Variants in PSIP1 observed in about 807,000 individuals in gnomAD.
PSIP1 encodes the protein PC4 and SRSF1 interacting protein 1, also known as PC4 and SFRS1-interacting protein.
PSIP1 carries 19 observed loss-of-function variants against 74.7 expected under a neutral mutation model. The ratio of observed to expected loss-of-function variants is 0.25; its 90% CI spans 0.18 to 0.37. The LOEUF is 0.37. PSIP1 is among the 10% of genes least tolerant of loss of function. The pLI is 1.00. For synonymous variants in PSIP1, 222 were observed against 195.3 expected, an observed-to-expected ratio of 1.14 and a Z score of -1.14; for missense variants, 601 against 614.3, an observed-to-expected ratio of 0.98 and a Z score of 0.23.
intron 8 of PSIP1, among the ~76,000 whole-genome samples, chr9:15,475,236 C>CTT (rs1407906667): frequency 6.6e-6 from 1 of 152,094 alleles, no homozygotes; most frequent in Non-Finnish European, 1.5e-5. Context: ...ATCCTTTTAA[C>CTT]TTTAGCCTCT....
chr9:15,485,921 G>C lies in PSIP1; in HGVS notation c.456+85C>G, dbSNP rs1419244939. On this transcript the variant is annotated intron_variant, in intron 6 of 15. Transcript: ENST00000380733. ...GTTTAGAATAAAAGCTGAAATTTAA[G>C]GTTTCATTGTATCTACTCTCCCTCA... 3.3e-6 allele frequency: 4 copies of C among 1,194,920 alleles called. No homozygotes were observed. The Admixed American group carries it at 6.9e-5, about 21-fold the overall frequency. The allele number at this position is 1,194,920 out of a possible 1,614,324, so 74.0% of individuals were successfully genotyped here.
intron 11 of PSIP1, among the ~76,000 whole-genome samples, chr9:15,469,715 C>T (rs2035754585): frequency 6.6e-6 from 1 of 152,060 alleles, no homozygotes; most frequent in Admixed American, 6.6e-5. Flanking sequence ...AATTTGACAC[C>T]ATCAAATAAT....
intron 5 of PSIP1, 125 bp from the exon 6 acceptor site, chr9:15,486,193 G>T (rs1371356847): frequency 1.4e-6 from 1 of 714,138 alleles, no homozygotes; most frequent in Non-Finnish European, 2.2e-6. Context: ...TTGCTCTGTA[G>T]AGTTCTGAAA....
At chr9:15,491,545 CAT>C (rs1451324534) in intron 3 of PSIP1, among the ~76,000 whole-genome samples, 2 of 152,236 alleles carry the variant, frequency 1.3e-5, no homozygotes, top group East Asian at 3.9e-4. Context: ...CAACTGTTTG[CAT>C]ATGTGTGTAC....
intron 15 of PSIP1, among the ~76,000 whole-genome samples, chr9:15,466,503 A>G (rs979279349): frequency 2.0e-5 from 3 of 152,250 alleles, no homozygotes; most frequent in African/African-American, 7.2e-5. Context: ...GTAGTCCAGG[A>G]GCAAATATTT....
rs1039274864 is a variant in PSIP1 at position 15,506,287 on chromosome 9, A to C, written c.149+274T>G. Reference sequence around the variant, plus strand: ...TATAGGAATATCAGATCACTTATTAAAACTTTCCTTATGTATTTTCATCCA... The same window carrying C: ...TATAGGAATATCAGATCACTTATTACAACTTTCCTTATGTATTTTCATCCA... On this transcript the variant is annotated intron_variant, in intron 3 of 15. Coordinates refer to ENST00000380733, the MANE Select transcript of PSIP1 (RefSeq NM_033222.5). The C allele has an allele frequency of 3.4e-5, 10 of 296,266 alleles. No homozygotes were observed. In the East Asian group the frequency reaches 5.9e-4, roughly 18 times the overall value. The allele number at this position is 296,266 out of a possible 1,614,324, so 18.4% of individuals were successfully genotyped here.
Position 15,466,750 on chromosome 9 carries a change from T to C in PSIP1, c.1530A>G (p.Lys510=), listed in dbSNP as rs1156324091. Reference sequence around the variant, plus strand: ...ACCCATTAAAACCTATTCCTCACTTTTTCTTCGTGCTGGCTTCATGGTTGT... The same window carrying C: ...ACCCATTAAAACCTATTCCTCACTTCTTCTTCGTGCTGGCTTCATGGTTGT... ...SKDNHEASTK[K]KPSSEERETE... is the part of the protein sequence containing the mutation. The change falls in exon 15 of 16, where the codon AAA becomes AAG. Residue 510 remains lysine (K), a splice_region_variant and synonymous_variant. Transcript: ENST00000380733. The C allele has an allele frequency of 3.1e-6, 5 of 1,606,940 alleles. No individual in the cohort carries two copies. Among genetic ancestry groups the C allele is most frequent in the Non-Finnish European group, 4.2e-6 (5 of 1,177,496 alleles).
At position 15,466,748 on chromosome 9, in the gene PSIP1, T is replaced by C; in HGVS notation, c.1532A>G (p.Lys511Arg). 1 of 1,606,098 alleles carries C rather than the reference T, an allele frequency of 6.2e-7. No homozygotes were observed. The highest frequency in any genetic ancestry group is 8.5e-7 in the Non-Finnish European group (1 of 1,177,000). ...KDNHEASTKK[K>R]PSSEERETEI... ...AGACCCATTAAAACCTATTCCTCAC[T>C]TTTTCTTCGTGCTGGCTTCATGGTT... is the stretch of plus-strand genomic sequence containing the variant. The change falls in exon 15 of 16, where the codon AAG (lysine) becomes AGG (arginine). Residue 511 changes from lysine (K) to arginine (R), a missense_variant and splice_region_variant. By Grantham distance (26) the Lys-to-Arg change is conservative. This residue lies in a region of PSIP1 where 538 missense variants were observed against 507.6 expected (regional missense o/e 1.06). Transcript: ENST00000380733.
chr9:15,494,361 T>C (rs1304278003), intron 3 of PSIP1, among the ~76,000 whole-genome samples: 4 of 151,968 alleles, frequency 2.6e-5, no homozygotes, highest in African/African-American at 9.7e-5. Flanking sequence ...AGGTCAGGCG[T>C]TTGAAACCAG....
At chr9:15,473,802 A>AAT (rs1174072728) in intron 9 of PSIP1, among the ~76,000 whole-genome samples, 2 of 151,824 alleles carry the variant, frequency 1.3e-5, no homozygotes, top group Non-Finnish European at 1.5e-5. Context: ...TCAGGAGGCT[A>AAT]AGGCTGGAGA....
At chr9:15,475,127 T>G (rs1203659331) in intron 8 of PSIP1, among the ~76,000 whole-genome samples, 1 of 152,178 alleles carries the variant, frequency 6.6e-6, no homozygotes, top group Non-Finnish European at 1.5e-5. Context: ...TAAGAACTAT[T>G]AAGTTGGAAG....
Position 15,464,186 on chromosome 9 carries a change from C to T in PSIP1, c.*1334G>A, listed in dbSNP as rs1291529212. On this transcript the variant is annotated 3_prime_UTR_variant, in exon 16 of 16. Transcript: ENST00000380733. The stretch of plus-strand genomic sequence containing the variant: ...AAACAGATAATGACTGGTATATATG[C>T]AGGTTCTCTCAAAACGGTGATTCCT... 1.6e-5 allele frequency: 3 copies of T among 188,944 alleles called. No homozygotes were observed. Among genetic ancestry groups the T allele is most frequent in the Non-Finnish European group, 2.2e-5 (2 of 89,732 alleles). The allele number at this position is 188,944 out of a possible 1,614,324, so 11.7% of individuals were successfully genotyped here.
At position 15,464,152 on chromosome 9, in the gene PSIP1, A is replaced by AT. The variant is rs1472973620; in HGVS notation, c.*1367dup. The stretch of plus-strand genomic sequence containing the variant: ...ATAAATCTAAGTAAGTTAAAACTGT[A>AT]TAAGGACCAAACAGATAATGACTGG... On this transcript the variant is annotated 3_prime_UTR_variant, in exon 16 of 16. Transcript: ENST00000380733. 5.4e-6 allele frequency: 1 copy of AT among 184,610 alleles called. No homozygotes were observed. The highest frequency in any genetic ancestry group is 1.2e-5 in the Non-Finnish European group (1 of 86,834). 11.4% of individuals were successfully genotyped at this position (184,610 alleles called of 1,614,324 possible). A position where few individuals can be genotyped will look rare whatever the true frequency, so the allele number is the denominator to read the frequency against.
At chr9:15,506,797 T>G (rs1408233627) in intron 2 of PSIP1, among the ~76,000 whole-genome samples, 160 bp from the exon 3 acceptor site, 1 of 152,194 alleles carries the variant, frequency 6.6e-6, no homozygotes, top group African/African-American at 2.4e-5. Context: ...CCCAAGAAGC[T>G]CTGAAAACCA....
intron 3 of PSIP1, 120 bp downstream of exon 3, chr9:15,506,441 C>A: frequency 1.5e-6 from 1 of 663,940 alleles, no homozygotes. Flanking sequence ...AGACTCTTTC[C>A]AAAGTTCAAA....
At chr9:15,479,245 T>C (rs1254683717) in intron 7 of PSIP1, among the ~76,000 whole-genome samples, 1 of 152,148 alleles carries the variant, frequency 6.6e-6, no homozygotes, top group East Asian at 1.9e-4. Flanking sequence ...TATTAATGAC[T>C]TTAATCAAAT....
At chr9:15,477,006 A>C (rs2036115796) in intron 8 of PSIP1, among the ~76,000 whole-genome samples, 1 of 152,182 alleles carries the variant, frequency 6.6e-6, no homozygotes, top group Non-Finnish European at 1.5e-5. Flanking sequence ...CCAAGAAGAC[A>C]AACGGAGTGG....
At chr9:15,496,522 G>A (rs1416023835) in intron 3 of PSIP1, among the ~76,000 whole-genome samples, 1 of 152,136 alleles carries the variant, frequency 6.6e-6, no homozygotes, top group African/African-American at 2.4e-5. Context: ...TTTACATTTA[G>A]TTTTATTCAC....
chr9:15,502,128 C>G (rs955543831), intron 3 of PSIP1, among the ~76,000 whole-genome samples: 1 of 152,134 alleles, frequency 6.6e-6, no homozygotes, highest in Admixed American at 6.5e-5. Context: ...TGAGGTGGAA[C>G]AGTTTTCATC....
Sources: gnomAD v4.1 joint callset for allele counts (sites outside exome capture counted in the v4.1 genomes callset) on GRCh38, gnomAD v4.1.1 for gene constraint, gnomAD v4.1.1 regional missense constraint, MANE v1.5 for transcripts, NCBI Gene and HGNC (gene_info 2026-07-23, HGNC 2026-07-21) for gene names.